ZNF804A: variants seen among roughly 807,000 people sequenced by gnomAD.
The protein encoded by ZNF804A is zinc finger protein 804A.
In ZNF804A, 2 loss-of-function variants were observed where a neutral mutation model predicts 16.5. That is an observed-to-expected ratio of 0.12 (90% CI 0.05 to 0.38). The LOEUF is 0.38. ZNF804A is among the 10% of genes least tolerant of loss of function. The pLI is 0.99. For missense variants in ZNF804A, 1,473 were observed against 1,390.7 expected (o/e 1.06, Z -0.94); for synonymous variants, 534 against 489.6 (o/e 1.09, Z -1.20).
Position 184,938,487 on chromosome 2 carries a change from G to C in ZNF804A, c.3091G>C (p.Glu1031Gln). ...AATCCTGGCTCCATTAGCTTTACCA[G>C]AGCAAGCATTATTGATCCCACTAGA... The part of the protein sequence containing the change: ...EQILAPLALP[E>Q]QALLIPLENH... The change falls in exon 4 of 4, where the codon GAG becomes CAG. Residue 1031 changes from glutamate (E) to glutamine (Q), a missense_variant. Physicochemically the swap from Glu to Gln is conservative, Grantham distance 29 (BLOSUM62 2). Coordinates refer to ENST00000302277, the MANE Select transcript of ZNF804A (RefSeq NM_194250.2). The C allele has an allele frequency of 6.2e-7, 1 of 1,614,008 alleles. No individual in the cohort carries two copies. The highest frequency in any genetic ancestry group is 8.5e-7 in the Non-Finnish European group (1 of 1,179,984).
chr2:184,615,524 A>G (rs1011548598), intron 1 of ZNF804A, among the ~76,000 whole-genome samples: 2 of 152,354 alleles, frequency 1.3e-5, no homozygotes, highest in African/African-American at 4.8e-5. Context: ...CTAAATAAAA[A>G]AAATAAAAAT....
rs74269782 is a variant in ZNF804A, at chr2:184,742,057, C to A, written c.112-124312C>A. Among the ~76,000 whole-genome samples the A allele has an allele frequency of 5.4e-3, 824 of 151,800 alleles. 17 individuals carry two copies. The highest frequency in any genetic ancestry group is 0.026 in the East Asian group (137 of 5,194). Reference sequence around the variant, plus strand: ...TTTAGTTTTAGAAATTGATTCTTATCAATAAGATATAAAATCTGCTCTTAT... The same window carrying A: ...TTTAGTTTTAGAAATTGATTCTTATAAATAAGATATAAAATCTGCTCTTAT... On this transcript the variant is annotated intron_variant, in intron 1 of 3. Transcript: ENST00000302277.
chr2:184,934,883 T>C (rs1685760375), intron 3 of ZNF804A, among the ~76,000 whole-genome samples: 1 of 152,158 alleles, frequency 6.6e-6, no homozygotes, highest in Non-Finnish European at 1.5e-5. Context: ...GTCATTCTGT[T>C]ACTTAGCAGA....
intron 1 of ZNF804A, among the ~76,000 whole-genome samples, chr2:184,824,531 C>T (rs1446917900): frequency 1.3e-5 from 2 of 151,428 alleles, no homozygotes; most frequent in African/African-American, 2.4e-5. Context: ...TTGCTTATAA[C>T]GCTCTCTTAC....
At chr2:184,921,481 T>C (rs1685528433) in intron 2 of ZNF804A, among the ~76,000 whole-genome samples, 1 of 152,162 alleles carries the variant, frequency 6.6e-6, no homozygotes, top group South Asian at 2.1e-4. Context: ...TGTTTATTTT[T>C]TAATTGTAAT....
chr2:184,757,070 C>T (rs1239783974), intron 1 of ZNF804A, among the ~76,000 whole-genome samples: 2 of 152,042 alleles, frequency 1.3e-5, no homozygotes, highest in East Asian at 1.9e-4. Flanking sequence ...CTTTCTCATG[C>T]TGAGCTGTCA....
chr2:184,766,618 T>C (rs1340937995), intron 1 of ZNF804A, among the ~76,000 whole-genome samples: 2 of 147,230 alleles, frequency 1.4e-5, no homozygotes, highest in East Asian at 3.9e-4. Context: ...TAACTTAATA[T>C]GGTGGTTGCT....
intron 2 of ZNF804A, among the ~76,000 whole-genome samples, chr2:184,876,059 A>C (rs1485375669): frequency 6.6e-6 from 1 of 152,150 alleles, no homozygotes; most frequent in Non-Finnish European, 1.5e-5. Context: ...AGTGATCTTC[A>C]CTTCAGCAAG....
At chr2:184,748,754 AT>A (rs1283498929) in intron 1 of ZNF804A, among the ~76,000 whole-genome samples, 6 of 151,598 alleles carry the variant, frequency 4.0e-5, no homozygotes, top group African/African-American at 7.2e-5. Context: ...ATTTGAGTTA[AT>A]TTTTTTATAT....
intron 1 of ZNF804A, among the ~76,000 whole-genome samples, chr2:184,667,215 T>C (rs543236337): frequency 6.6e-5 from 10 of 152,054 alleles, no homozygotes; most frequent in Admixed American, 2.0e-4. Context: ...AAATTATTTA[T>C]TGACTAGAAT....
intron 2 of ZNF804A, among the ~76,000 whole-genome samples, chr2:184,879,368 T>A (rs1176931460): frequency 1.3e-5 from 2 of 151,994 alleles, no homozygotes; most frequent in African/African-American, 4.8e-5. Flanking sequence ...ATAGTGAAGT[T>A]TTCAACCTCA....
At chr2:184,629,027 T>G (rs1691558221) in intron 1 of ZNF804A, among the ~76,000 whole-genome samples, 1 of 152,166 alleles carries the variant, frequency 6.6e-6, no homozygotes. Context: ...TCACTTTTAT[T>G]GAATATTTTA....
intron 1 of ZNF804A, among the ~76,000 whole-genome samples, chr2:184,779,626 G>A (rs1231046251): frequency 6.6e-6 from 1 of 151,700 alleles, no homozygotes; most frequent in Non-Finnish European, 1.5e-5. Context: ...CCCTGTCAGA[G>A]TGACTTGAAG....
chr2:184,599,088 CCTCT>C lies in ZNF804A; in HGVS notation c.111+30_111+33del, dbSNP rs10689377. Reference sequence around the variant, plus strand: ...AAACTCTGGTAATCGCTTCTGTTTTCCTCTCTCTCTCTCTCATATTTAAGAGGGC... The same window carrying C: ...AAACTCTGGTAATCGCTTCTGTTTTCCTCTCTCTCTCATATTTAAGAGGGC... On this transcript the variant is annotated intron_variant, in intron 1 of 3. Transcript: ENST00000302277. The C allele has an allele frequency of 1.7e-5, 23 of 1,365,592 alleles. No homozygotes were observed. The highest frequency in any genetic ancestry group is 2.9e-5 in the African/African-American group (2 of 68,726). 84.6% of individuals were successfully genotyped at this position (1,365,592 alleles called of 1,614,324 possible).
Position 184,662,603 on chromosome 2 carries a change from G to A in ZNF804A, c.111+63533G>A, listed in dbSNP as rs146513553. On this transcript the variant is annotated intron_variant, in intron 1 of 3. Coordinates refer to ENST00000302277, the MANE Select transcript of ZNF804A (RefSeq NM_194250.2). The stretch of plus-strand genomic sequence containing the variant: ...AGGAAAATATTAGAAATTTCTACCA[G>A]TACTCTGCTGGTGCTGAGGTTAACT... Among the ~76,000 whole-genome samples, 490 of 152,208 alleles carry A rather than the reference G, an allele frequency of 3.2e-3. 2 individuals carry two copies. Among genetic ancestry groups the A allele is most frequent in the Middle Eastern group, 6.8e-3 (2 of 294 alleles).
chr2:184,814,891 T>A (rs1385181604), intron 1 of ZNF804A, among the ~76,000 whole-genome samples: 1 of 152,040 alleles, frequency 6.6e-6, no homozygotes, highest in Non-Finnish European at 1.5e-5. Context: ...AATTCTGGCC[T>A]ATGAAGGGCC....
At chr2:184,793,296 G>T (rs1335153440) in intron 1 of ZNF804A, among the ~76,000 whole-genome samples, 1 of 152,124 alleles carries the variant, frequency 6.6e-6, no homozygotes, top group African/African-American at 2.4e-5. Flanking sequence ...ACCCGGAAAT[G>T]AGATTGCTGA....
At chr2:184,916,285 G>A (rs1210668479) in intron 2 of ZNF804A, among the ~76,000 whole-genome samples, 2 of 152,144 alleles carry the variant, frequency 1.3e-5, no homozygotes, top group Non-Finnish European at 2.9e-5. Context: ...AGAGAGTAAT[G>A]TATTTACTTG....
At chr2:184,751,502 A>T (rs1693877876) in intron 1 of ZNF804A, among the ~76,000 whole-genome samples, 1 of 151,384 alleles carries the variant, frequency 6.6e-6, no homozygotes, top group Non-Finnish European at 1.5e-5. Flanking sequence ...TATCGAAACT[A>T]AAAATAGGCA....
Sources: gnomAD v4.1 joint callset for allele counts (sites outside exome capture counted in the v4.1 genomes callset) on GRCh38, gnomAD v4.1.1 for gene constraint, MANE v1.5 for transcripts, NCBI Gene and HGNC (gene_info 2026-07-23, HGNC 2026-07-21) for gene names.